Variants in GRTP1 observed in about 807,000 individuals in gnomAD.
The protein encoded by GRTP1 is growth hormone regulated TBC protein 1, also known as growth hormone-regulated TBC protein 1.
A neutral mutation model predicts 38.1 loss-of-function variants in GRTP1; 56 were observed. That is an observed-to-expected ratio of 1.47 (90% confidence interval 1.19 to 1.84). The LOEUF (loss-of-function observed/expected upper bound fraction) is 1.84. Among genes scored for constraint, GRTP1 ranks in the 40% most tolerant of loss-of-function variants. The probability of loss-of-function intolerance (pLI) is 0.00; values close to 1 mark genes in which losing one functional copy is unlikely to be tolerated. For synonymous variants in GRTP1, 217 were observed against 189.5 expected, an observed-to-expected ratio of 1.14 and a Z score of -1.19; for missense variants, 506 against 453.9, an observed-to-expected ratio of 1.11 and a Z score of -1.04.
chr13:113,327,862 AG>A (rs1432783704), intron 5 of GRTP1, among the ~76,000 whole-genome samples: 1 of 152,194 alleles, frequency 6.6e-6, no homozygotes, highest in Non-Finnish European at 1.5e-5. Context: ...GCCAGGCAGC[AG>A]GGGGTCTGCA....
In GRTP1 at chr13:113,342,394, G is replaced by C. The variant is rs1460517287; in HGVS notation, c.562+2469C>G. On this transcript the variant is annotated intron_variant, in intron 5 of 7. Coordinates refer to ENST00000375431, the MANE Select transcript of GRTP1 (RefSeq NM_024719.4). This position sits in a 1 kb window ranked among gnomAD's most constrained non-coding sequence, Gnocchi z 4.5. Reference sequence around the variant, plus strand: ...GTAGTGGCGGGCGCCTGTAGTCCCAGCTACTCGGGAGGCTGAGGCAGGAGA... The same window carrying C: ...GTAGTGGCGGGCGCCTGTAGTCCCACCTACTCGGGAGGCTGAGGCAGGAGA... Among the ~76,000 whole-genome samples, 1 of 151,928 alleles carries C rather than the reference G, an allele frequency of 6.6e-6. No individual in the cohort carries two copies. Among genetic ancestry groups the C allele is most frequent in the Non-Finnish European group, 1.5e-5 (1 of 67,958 alleles).
intron 4 of GRTP1, 35 bp downstream of exon 4, chr13:113,350,814 G>A (rs762974997): frequency 4.1e-5 from 63 of 1,531,292 alleles, no homozygotes; most frequent in Middle Eastern, 3.5e-4. Context: ...TGTCCTCACA[G>A]CCACCTCATG....
intron 5 of GRTP1, among the ~76,000 whole-genome samples, chr13:113,327,709 C>T (rs927283911): frequency 3.9e-5 from 6 of 152,222 alleles, no homozygotes; most frequent in African/African-American, 1.2e-4. Context: ...GGGTTCTGAG[C>T]GCTTTGCTCA....
chr13:113,338,637 C>A (rs1297121291), intron 5 of GRTP1, among the ~76,000 whole-genome samples: 1 of 152,166 alleles, frequency 6.6e-6, no homozygotes, highest in African/African-American at 2.4e-5. Context: ...CGACAATGTG[C>A]ATGACATTTT....
At chr13:113,350,059 T>C (rs967101506) in intron 4 of GRTP1, among the ~76,000 whole-genome samples, 6 of 152,100 alleles carry the variant, frequency 3.9e-5, no homozygotes, top group African/African-American at 1.4e-4. Context: ...AGTCACGGGC[T>C]GTGCGCACAC....
chr13:113,347,779 C>CGGGAGGACCTCTGTGGCTGAGCGGATCT (rs2043188160), intron 4 of GRTP1, among the ~76,000 whole-genome samples: 1 of 134,076 alleles, frequency 7.5e-6, no homozygotes, highest in African/African-American at 3.0e-5. Context: ...AGAGCAGACC[C>CGGGAGGACCTCTGTGGCTGAGCGGATCT]GGGAGGACCT....
At chr13:113,341,216 A>C (rs919546615) in intron 5 of GRTP1, among the ~76,000 whole-genome samples, 3 of 151,754 alleles carry the variant, frequency 2.0e-5, no homozygotes, top group Non-Finnish European at 4.4e-5. Flanking sequence ...ATACCTCAAC[A>C]AAGATTTCTC....
rs1038723810 is a variant in GRTP1, at chr13:113,348,709, T to C, written c.465+2140A>G. Among the ~76,000 whole-genome samples the C allele has an allele frequency of 2.6e-5, 4 of 152,104 alleles. No homozygotes were observed. The highest frequency in any genetic ancestry group is 5.9e-5 in the Non-Finnish European group (4 of 68,018). Reference sequence around the variant, plus strand: ...ATGGAGGCAGAGATTGGAGTAGTGATGCCACCCGCCGAGGGGCACCCAGGA... The same window carrying C: ...ATGGAGGCAGAGATTGGAGTAGTGACGCCACCCGCCGAGGGGCACCCAGGA... On this transcript the variant is annotated intron_variant, in intron 4 of 7. Transcript: ENST00000375431. The surrounding 1 kb of genome is among the most constrained non-coding windows in gnomAD (Gnocchi z 4.8).
rs1039362976 is a variant in GRTP1, at chr13:113,343,436, C to G, written c.562+1427G>C. 6.6e-6 allele frequency among the ~76,000 whole-genome samples: 1 copy of G among 152,192 alleles called. No homozygotes were observed. The highest frequency in any genetic ancestry group is 2.4e-5 in the African/African-American group (1 of 41,448). On this transcript the variant is annotated intron_variant, in intron 5 of 7. Transcript: ENST00000375431. This position sits in a 1 kb window ranked among gnomAD's most constrained non-coding sequence, Gnocchi z 4.8. ...TCTGGGGCGGCTCCGTCAGGCTGGT[C>G]TCTGGCATCCTCATTTCTGCGCCCT... is the stretch of plus-strand genomic sequence containing the variant.
chr13:113,357,351 A>G (rs2043412216), intron 2 of GRTP1, among the ~76,000 whole-genome samples: 1 of 150,154 alleles, frequency 6.7e-6, no homozygotes, highest in Non-Finnish European at 1.5e-5. Context: ...AGACTGAGGC[A>G]GGAGAATAGC....
At chr13:113,363,587 C>T (rs2043540315) in intron 2 of GRTP1, among the ~76,000 whole-genome samples, 175 bp downstream of exon 2, 1 of 152,162 alleles carries the variant, frequency 6.6e-6, no homozygotes, top group African/African-American at 2.4e-5. Flanking sequence ...CGGCCCATCT[C>T]AAAGCGGGAA....
intron 3 of GRTP1, chr13:113,351,609 G>C (rs1399995975): frequency 6.5e-6 from 1 of 153,890 alleles, no homozygotes; most frequent in Non-Finnish European, 1.4e-5. Context: ...TGTGGCCTTG[G>C]CCAAGCTGTT....
In GRTP1 at chr13:113,332,411, G is replaced by A. The variant is rs61449433; in HGVS notation, c.563-6320C>T. On this transcript the variant is annotated intron_variant, in intron 5 of 7. Transcript: ENST00000375431. Reference sequence around the variant, plus strand: ...ACGCACGCCACACACAGGTACACACGTGCACACGCACACCACACAGGCACA... The same window carrying A: ...ACGCACGCCACACACAGGTACACACATGCACACGCACACCACACAGGCACA... Among the ~76,000 whole-genome samples the A allele has an allele frequency of 9.5e-3, 1,425 of 149,808 alleles. 35 individuals carry two copies. Among genetic ancestry groups the A allele is most frequent in the African/African-American group, 0.033 (1,339 of 40,092 alleles).
chr13:113,360,476 C>T (rs1566444753), intron 2 of GRTP1, among the ~76,000 whole-genome samples: 1 of 152,200 alleles, frequency 6.6e-6, no homozygotes, highest in Admixed American at 6.5e-5. Context: ...CACTGTCAGC[C>T]TGGAATACCT....
intron 5 of GRTP1, among the ~76,000 whole-genome samples, chr13:113,333,822 A>ATTTATTTAT (rs1279575603): frequency 1.0e-5 from 1 of 100,502 alleles, no homozygotes; most frequent in Non-Finnish European, 1.9e-5. Flanking sequence ...TTATTTATTT[A>ATTTATTTAT]TTTATTTATT....
At chr13:113,339,911 C>G (rs1440593535) in intron 5 of GRTP1, 1 of 152,188 alleles carries the variant, frequency 6.6e-6, no homozygotes, top group African/African-American at 2.4e-5. Flanking sequence ...TTACATACTT[C>G]TATTCATCAG....
At chr13:113,347,327 CAGACCCGGGA>C (rs2043166284) in intron 4 of GRTP1, among the ~76,000 whole-genome samples, 2 of 74,360 alleles carry the variant, frequency 2.7e-5, no homozygotes, top group East Asian at 2.9e-4. Context: ...TGGCAGAGAG[CAGACCCGGGA>C]GGACCTCTGT....
chr13:113,329,022 G>T (rs1458747762), intron 5 of GRTP1, among the ~76,000 whole-genome samples: 3 of 152,284 alleles, frequency 2.0e-5, no homozygotes, highest in Non-Finnish European at 4.4e-5. Context: ...TGCCCAGGAT[G>T]GTGAATGCGC....
intron 4 of GRTP1, 58 bp downstream of exon 4, chr13:113,350,791 C>T: frequency 6.9e-7 from 1 of 1,458,474 alleles, no homozygotes; most frequent in Non-Finnish European, 9.2e-7. Context: ...GAGCCTGCAG[C>T]TGTGGACAGA....
Sources: allele counts gnomAD v4.1 joint callset (sites outside exome capture counted in the v4.1 genomes callset), GRCh38; gene constraint gnomAD v4.1.1; non-coding constraint Gnocchi (gnomAD v3.1); transcripts MANE v1.5; gene names NCBI Gene and HGNC (gene_info 2026-07-23, HGNC 2026-07-21).